Variants in PTPRB observed in about 807,000 individuals in gnomAD.
The protein encoded by PTPRB is protein tyrosine phosphatase receptor type B.
In PTPRB, 97 loss-of-function variants were observed where a neutral mutation model predicts 238.1. That is an observed-to-expected ratio of 0.41 (90% CI 0.35 to 0.48). PTPRB has a LOEUF of 0.48. Ranked by LOEUF, PTPRB falls within the 20% of genes least tolerant of loss-of-function variation. The pLI is 0.30. For synonymous variants in PTPRB, 970 were observed against 995.4 expected (o/e 0.97, Z 0.48); for missense variants, 2,292 against 2,681.9 (o/e 0.85, Z 3.21).
At chr12:70,595,192 A>G (rs1027058981) in intron 5 of PTPRB, among the ~76,000 whole-genome samples, 1 of 152,136 alleles carries the variant, frequency 6.6e-6, no homozygotes, top group Non-Finnish European at 1.5e-5. Context: ...GCAAACTAAC[A>G]CAGGAACAGA....
intron 14 of PTPRB, among the ~76,000 whole-genome samples, chr12:70,569,383 C>T (rs117184399): frequency 0.028 from 4,332 of 152,272 alleles, 92 homozygotes; most frequent in Non-Finnish European, 0.04. Context: ...GGATTACAGG[C>T]GTGAGCTACT....
In PTPRB at chr12:70,526,382, T is replaced by A. The variant is rs189883534; in HGVS notation, c.6505-1791A>T. Among the ~76,000 whole-genome samples, 1,088 of 152,038 alleles carry A rather than the reference T, an allele frequency of 7.2e-3. 7 individuals carry two copies. The highest frequency in any genetic ancestry group is 0.039 in the East Asian group (200 of 5,166). On this transcript the variant is annotated intron_variant, in intron 32 of 33. Coordinates refer to ENST00000334414, the MANE Select transcript of PTPRB (RefSeq NM_001109754.4). ...CAGGCCTGGATAAATTAAAAAAAAA[T>A]TTTTTTAGCGACAGGATCTTGCTCT...
intron 4 of PTPRB, among the ~76,000 whole-genome samples, chr12:70,606,112 C>G (rs1483051437): frequency 6.6e-6 from 1 of 152,116 alleles, no homozygotes; most frequent in Non-Finnish European, 1.5e-5. Context: ...GAGTAAAGTC[C>G]TCATCCAGAA....
At chr12:70,603,538 G>A (rs903897921) in intron 4 of PTPRB, among the ~76,000 whole-genome samples, 2 of 152,144 alleles carry the variant, frequency 1.3e-5, no homozygotes, top group African/African-American at 4.8e-5. Flanking sequence ...TGGAGTTGGA[G>A]CCAGTAAACC....
chr12:70,597,392 C>G (rs1044566729), intron 4 of PTPRB, among the ~76,000 whole-genome samples: 1 of 152,124 alleles, frequency 6.6e-6, no homozygotes, highest in Non-Finnish European at 1.5e-5. Context: ...TGAATCTCCA[C>G]CATTGAACTT....
intron 33 of PTPRB, among the ~76,000 whole-genome samples, chr12:70,523,319 T>C (rs1871886667): frequency 6.6e-6 from 1 of 152,206 alleles, no homozygotes; most frequent in African/African-American, 2.4e-5. Flanking sequence ...GCCTGGTTAA[T>C]TTTTAAATTT....
intron 7 of PTPRB, among the ~76,000 whole-genome samples, chr12:70,590,940 GT>G (rs35496972): frequency 0.013 from 1,376 of 102,828 alleles, 18 homozygotes; most frequent in African/African-American, 0.046. Flanking sequence ...TTTCCTCCAA[GT>G]TTTTTTTTTT....
At chr12:70,534,256 A>G (rs1259601105) in intron 31 of PTPRB, among the ~76,000 whole-genome samples, 1 of 152,076 alleles carries the variant, frequency 6.6e-6, no homozygotes, top group African/African-American at 2.4e-5. Flanking sequence ...AAGGCTGGAG[A>G]GTGAGGATGA....
At chr12:70,595,734 G>A (rs1882953067) in intron 5 of PTPRB, among the ~76,000 whole-genome samples, 1 of 152,034 alleles carries the variant, frequency 6.6e-6, no homozygotes. Context: ...TAGAAAATGG[G>A]GCAGAAAGTC....
intron 7 of PTPRB, 41 bp downstream of exon 7, chr12:70,592,241 G>T: frequency 6.2e-7 from 1 of 1,613,362 alleles, no homozygotes; most frequent in Non-Finnish European, 8.5e-7. Flanking sequence ...ATCAGAGAGT[G>T]ATTTGAGCAA....
chr12:70,549,475 T>C (rs982527935), intron 21 of PTPRB, among the ~76,000 whole-genome samples: 7 of 152,220 alleles, frequency 4.6e-5, no homozygotes, highest in South Asian at 2.1e-4. Flanking sequence ...ATATGAATCA[T>C]AGGAACCCAA....
At chr12:70,605,399 T>A (rs1024226065) in intron 4 of PTPRB, among the ~76,000 whole-genome samples, 3 of 152,222 alleles carry the variant, frequency 2.0e-5, no homozygotes, top group Admixed American at 6.5e-5. Context: ...CCACCATTCA[T>A]CCATCTTTCC....
intron 23 of PTPRB, chr12:70,540,535 CA>C (rs1276761464): frequency 4.1e-6 from 1 of 244,330 alleles, no homozygotes; most frequent in African/African-American, 2.3e-5. Flanking sequence ...AATTTGCAAA[CA>C]TCTCTGTCTT....
intron 3 of PTPRB, among the ~76,000 whole-genome samples, chr12:70,610,820 C>T (rs1884403681): frequency 6.6e-6 from 1 of 152,070 alleles, no homozygotes. Flanking sequence ...ATTGTCCAGC[C>T]AAAAGAAGAC....
At chr12:70,577,904 T>G (rs1036260770) in intron 10 of PTPRB, among the ~76,000 whole-genome samples, 3 of 152,192 alleles carry the variant, frequency 2.0e-5, no homozygotes, top group Admixed American at 6.5e-5. Context: ...TTTCCTTCTT[T>G]TCTTCCTTTT....
rs546006488 is a variant in PTPRB, at chr12:70,626,409, A to G, written c.452-3763T>C. On this transcript the variant is annotated intron_variant, in intron 2 of 33. Transcript: ENST00000334414. ...TGCCTGCCTGCCTGCCTGCCTACCT[A>G]CCTACCTACCTACCTAATCTATCTA... Among the ~76,000 whole-genome samples the G allele has an allele frequency of 4.1e-3, 453 of 110,934 alleles. 3 individuals carry two copies. Among genetic ancestry groups the G allele is most frequent in the African/African-American group, 0.017 (343 of 20,588 alleles). The allele number at this position is 110,934 out of a possible 152,430, so 72.8% of individuals were successfully genotyped here. A position where few individuals can be genotyped will look rare whatever the true frequency, so the allele number is the denominator to read the frequency against.
intron 2 of PTPRB, among the ~76,000 whole-genome samples, chr12:70,631,108 C>G (rs1885431666): frequency 6.6e-6 from 1 of 152,080 alleles, no homozygotes. Context: ...CAAAAAAGAG[C>G]CCACATAGCC....
At chr12:70,545,358 A>G (rs1875804218) in intron 21 of PTPRB, among the ~76,000 whole-genome samples, 1 of 152,222 alleles carries the variant, frequency 6.6e-6, no homozygotes, top group Non-Finnish European at 1.5e-5. Context: ...TAACTTACAT[A>G]TCTTTTGGCA....
At chr12:70,634,080 A>G (rs1442204) in intron 2 of PTPRB, among the ~76,000 whole-genome samples, 21,040 of 152,228 alleles carry the variant, frequency 0.14, 2,424 homozygotes, top group African/African-American at 0.3. Flanking sequence ...CAGAAATGAT[A>G]TAAGAACAGA....
Sources: allele counts gnomAD v4.1 joint callset (sites outside exome capture counted in the v4.1 genomes callset), GRCh38; gene constraint gnomAD v4.1.1; transcripts MANE v1.5; gene names NCBI Gene and HGNC (gene_info 2026-07-23, HGNC 2026-07-21).